Variants in IQCM observed in about 807,000 individuals in gnomAD.
IQCM encodes IQ motif containing M, also known as IQ domain-containing protein M.
A neutral mutation model predicts 57.6 loss-of-function variants in IQCM; 45 were observed. That is an observed-to-expected ratio of 0.78 (90% CI 0.62 to 1.00). The LOEUF (loss-of-function observed/expected upper bound fraction) is 1.00. Among genes scored for constraint, IQCM ranks in the 50% least tolerant of loss-of-function variants. The probability of loss-of-function intolerance (pLI) is 0.00; values close to 1 mark genes in which losing one functional copy is unlikely to be tolerated. For missense variants in IQCM, 468 were observed against 511.6 expected (o/e 0.91, Z 0.82); for synonymous variants, 148 against 158.9 (o/e 0.93, Z 0.51).
At chr4:149,769,232 A>C (rs563268184) in intron 2 of IQCM, among the ~76,000 whole-genome samples, 62 of 152,116 alleles carry the variant, frequency 4.1e-4, no homozygotes, top group African/African-American at 1.4e-3. Flanking sequence ...TTCCATACCC[A>C]TGAATTCAAG....
chr4:149,472,572 A>C (rs1007902002), intron 12 of IQCM, among the ~76,000 whole-genome samples: 6 of 152,216 alleles, frequency 3.9e-5, no homozygotes, highest in African/African-American at 1.4e-4. Context: ...ATTCAATACC[A>C]TCTCCATCAA....
At position 149,563,732 on chromosome 4, in the gene IQCM, C is replaced by A; in HGVS notation, c.908G>T (p.Gly303Val). The A allele has an allele frequency of 8.1e-7, 1 of 1,231,990 alleles. No homozygotes were observed. Among genetic ancestry groups the A allele is most frequent in the Non-Finnish European group, 1.0e-6 (1 of 987,926 alleles). The allele number at this position is 1,231,990 out of a possible 1,614,324, so 76.3% of individuals were successfully genotyped here. The change falls in exon 10 of 14, where the codon GGA becomes GTA. Residue 303 changes from glycine (G) to valine (V), a missense_variant. Gly to Val is a moderately radical substitution (Grantham distance 109). Transcript: ENST00000636793. ...TTGCAATCTTTTCCGTTCAAGCCATCCCCTGACATGTGCCTGCATGACGGT... is the reference window on the plus strand; with the variant it reads ...TTGCAATCTTTTCCGTTCAAGCCATACCCTGACATGTGCCTGCATGACGGT... ...MVTVMQAHVRGWLERKRLQRV... is the reference protein window; with the variant it reads ...MVTVMQAHVRVWLERKRLQRV...
chr4:149,647,447 TCCTGAAAGATG>T (rs1217718427), intron 7 of IQCM, among the ~76,000 whole-genome samples: 1 of 152,114 alleles, frequency 6.6e-6, no homozygotes, highest in African/African-American at 2.4e-5. Context: ...TTATCAAGCA[TCCTGAAAGATG>T]CTTGCGGAAT....
At chr4:149,418,710 T>C (rs536553772) in intron 13 of IQCM, among the ~76,000 whole-genome samples, 2 of 152,246 alleles carry the variant, frequency 1.3e-5, no homozygotes, top group Admixed American at 1.3e-4. Context: ...ATTGTCTTTG[T>C]TTGCAGATGC....
At chr4:149,456,902 A>G (rs1737766237) in intron 12 of IQCM, among the ~76,000 whole-genome samples, 1 of 152,068 alleles carries the variant, frequency 6.6e-6, no homozygotes, top group Admixed American at 6.6e-5. Flanking sequence ...TTAACATTTA[A>G]AACTTTCTAT....
chr4:149,497,076 G>C (rs930694186), intron 12 of IQCM, among the ~76,000 whole-genome samples: 8 of 152,098 alleles, frequency 5.3e-5, no homozygotes, highest in African/African-American at 1.9e-4. Context: ...AAGCCTTCAT[G>C]GAATTTCGCC....
intron 12 of IQCM, among the ~76,000 whole-genome samples, chr4:149,502,782 G>C (rs753165288): frequency 6.6e-6 from 1 of 152,058 alleles, no homozygotes; most frequent in South Asian, 2.1e-4. Flanking sequence ...AGCAATGAAC[G>C]GTCAAATCAT....
intron 13 of IQCM, among the ~76,000 whole-genome samples, chr4:149,353,302 G>A (rs566460908): frequency 7.9e-5 from 12 of 152,214 alleles, no homozygotes; most frequent in Middle Eastern, 3.4e-3. Flanking sequence ...GCAAGAGTGC[G>A]GATAAAAGGA....
chr4:149,606,239 C>T (rs1362978854), intron 8 of IQCM, among the ~76,000 whole-genome samples: 1 of 152,110 alleles, frequency 6.6e-6, no homozygotes, highest in Admixed American at 6.5e-5. Flanking sequence ...CAGCCCAGTA[C>T]AGAGAGAGAC....
chr4:149,754,296 A>C (rs1388598949), intron 2 of IQCM, among the ~76,000 whole-genome samples: 1 of 151,902 alleles, frequency 6.6e-6, no homozygotes. Context: ...TGAAGGGTCA[A>C]CTCAACATTA....
At chr4:149,377,590 T>C in intron 13 of IQCM, among the ~76,000 whole-genome samples, 1 of 152,146 alleles carries the variant, frequency 6.6e-6, no homozygotes, top group East Asian at 1.9e-4. Context: ...AATTTGTTAG[T>C]GTTTATCAAA....
chr4:149,603,652 A>G (rs1754511912), intron 8 of IQCM, among the ~76,000 whole-genome samples: 1 of 152,068 alleles, frequency 6.6e-6, no homozygotes, highest in Admixed American at 6.6e-5. Context: ...AAATAGAAAA[A>G]GAGAAATCAA....
Position 149,563,656 on chromosome 4 carries a change from T to C in IQCM, c.948+36A>G, listed in dbSNP as rs539229258. 8 of 1,202,724 alleles carry C rather than the reference T, an allele frequency of 6.7e-6. No individual in the cohort carries two copies. In the African/African-American group the frequency reaches 1.3e-4, roughly 19 times the overall value. The allele number at this position is 1,202,724 out of a possible 1,614,324, so 74.5% of individuals were successfully genotyped here. ...CTACTGAATTGAATCTAATGAGAAA[T>C]TTTAAACACATTATAATATCTGATG... On this transcript the variant is annotated intron_variant, in intron 10 of 13. Coordinates refer to ENST00000636793, the MANE Select transcript of IQCM (RefSeq NM_001363507.2).
intron 13 of IQCM, among the ~76,000 whole-genome samples, chr4:149,416,217 T>A (rs1311711053): frequency 1.3e-5 from 2 of 152,098 alleles, no homozygotes; most frequent in Non-Finnish European, 2.9e-5. Context: ...TTTCTCTCTC[T>A]GTCTGTCTCC....
intron 8 of IQCM, among the ~76,000 whole-genome samples, chr4:149,617,625 A>C (rs1755915797): frequency 6.6e-6 from 1 of 152,180 alleles, no homozygotes; most frequent in Non-Finnish European, 1.5e-5. Flanking sequence ...CTCCATCAAA[A>C]AAACTATTAG....
At chr4:149,447,210 A>C (rs1029552885) in intron 12 of IQCM, among the ~76,000 whole-genome samples, 16 of 151,734 alleles carry the variant, frequency 1.1e-4, no homozygotes, top group African/African-American at 3.9e-4. Flanking sequence ...ATAGAAATTG[A>C]AAGCACAAGC....
chr4:149,761,641 T>G lies in IQCM; in HGVS notation c.-48-18902A>C, dbSNP rs190283932. Among the ~76,000 whole-genome samples the G allele has an allele frequency of 1.8e-3, 273 of 152,234 alleles. 1 individual carries two copies. The highest frequency in any genetic ancestry group is 2.9e-3 in the Non-Finnish European group (196 of 67,994). The stretch of plus-strand genomic sequence containing the variant: ...GCACATGTTATATCCCCCACTATAC[T>G]TACAAGAGTCTTAAGGATAATATTT... On this transcript the variant is annotated intron_variant, in intron 2 of 13. Transcript: ENST00000636793.
intron 13 of IQCM, among the ~76,000 whole-genome samples, chr4:149,427,982 A>C (rs1338659279): frequency 6.6e-6 from 1 of 151,920 alleles, no homozygotes; most frequent in Non-Finnish European, 1.5e-5. Flanking sequence ...AAAGCATGAC[A>C]TTGACCTAAA....
intron 2 of IQCM, among the ~76,000 whole-genome samples, chr4:149,771,444 A>T (rs1395451877): frequency 6.6e-6 from 1 of 152,090 alleles, no homozygotes; most frequent in African/African-American, 2.4e-5. Flanking sequence ...TTACAAGTTC[A>T]TTAATTTATT....
Sources: gnomAD v4.1 joint callset for allele counts (sites outside exome capture counted in the v4.1 genomes callset) on GRCh38, gnomAD v4.1.1 for gene constraint, MANE v1.5 for transcripts, NCBI Gene and HGNC (gene_info 2026-07-23, HGNC 2026-07-21) for gene names.